GON4L: variants seen among roughly 807,000 people sequenced by gnomAD.
GON4L encodes the protein GON-4-like protein.
A neutral mutation model predicts 211.8 loss-of-function variants in GON4L; 87 were observed. The ratio of observed to expected loss-of-function variants is 0.41; its 90% confidence interval spans 0.35 to 0.49. The LOEUF (loss-of-function observed/expected upper bound fraction) is 0.49, where lower values mean the gene tolerates loss of function less well. GON4L is among the 20% of genes least tolerant of loss of function. The pLI is 0.15. For synonymous variants in GON4L, 875 were observed against 962.6 expected (o/e 0.91, Z 1.68); for missense variants, 2,155 against 2,659.5 (o/e 0.81, Z 4.17).
chr1:155,833,633 G>A (rs1391834276), intron 2 of GON4L, among the ~76,000 whole-genome samples: 4 of 101,908 alleles, frequency 3.9e-5, no homozygotes, highest in East Asian at 3.3e-4. Flanking sequence ...TCAACAAAGC[G>A]AGACTCTGTC....
At chr1:155,782,440 T>C (rs1664510835) in intron 14 of GON4L, among the ~76,000 whole-genome samples, 1 of 152,180 alleles carries the variant, frequency 6.6e-6, no homozygotes. Flanking sequence ...CTATACAGGT[T>C]TGTGGCCTGG....
downstream of GON4L, chr1:155,747,052 C>T (rs1660266759): frequency 5.0e-6 from 8 of 1,606,170 alleles, no homozygotes; most frequent in Non-Finnish European, 6.8e-6. Flanking sequence ...GTGTGGCCAG[C>T]CAACTCAAGG....
At position 155,795,039 on chromosome 1, in the gene GON4L, C is replaced by T; in HGVS notation, c.1747+11G>A. 1 of 1,459,478 alleles carries T rather than the reference C, an allele frequency of 6.9e-7. No homozygotes were observed. The highest frequency in any genetic ancestry group is 9.6e-7 in the Non-Finnish European group (1 of 1,038,546). The allele number at this position is 1,459,478 out of a possible 1,614,324, so 90.4% of individuals were successfully genotyped here. A position where few individuals can be genotyped will look rare whatever the true frequency, so the allele number is the denominator to read the frequency against. ...AGTCAAGAGCAGGACTTAGAATAAACACAGACTCACTGGTGATTCTCACTG... is the reference window on the plus strand; with the variant it reads ...AGTCAAGAGCAGGACTTAGAATAAATACAGACTCACTGGTGATTCTCACTG... On this transcript the variant is annotated intron_variant, in intron 12 of 31. Transcript: ENST00000368331.
At chr1:155,781,397 C>T (rs1302090007) in intron 14 of GON4L, among the ~76,000 whole-genome samples, 2 of 151,994 alleles carry the variant, frequency 1.3e-5, no homozygotes, top group African/African-American at 2.4e-5. Context: ...ATGCCTGCTT[C>T]GGCATCCCAA....
intron 29 of GON4L, 112 bp downstream of exon 29, chr1:155,753,092 G>GT (rs1660785307): frequency 2.6e-6 from 2 of 762,604 alleles, no homozygotes; most frequent in South Asian, 3.4e-5. Flanking sequence ...AGTGAAAGAG[G>GT]TGGTATATCC....
chr1:155,793,770 G>A (rs1665823294), intron 12 of GON4L, among the ~76,000 whole-genome samples: 1 of 152,012 alleles, frequency 6.6e-6, no homozygotes, highest in Non-Finnish European at 1.5e-5. Context: ...CAATACATTA[G>A]GCTAATTTCT....
chr1:155,821,844 GAGA>G (rs1668769008), intron 4 of GON4L, among the ~76,000 whole-genome samples: 1 of 152,220 alleles, frequency 6.6e-6, no homozygotes, highest in Admixed American at 6.5e-5. Context: ...ATATGCTTAA[GAGA>G]AAGAGTAACA....
intron 11 of GON4L, among the ~76,000 whole-genome samples, chr1:155,798,386 A>G (rs1411864593): frequency 3.4e-5 from 5 of 149,118 alleles, no homozygotes; most frequent in Admixed American, 2.7e-4. Flanking sequence ...TACTTTCTAT[A>G]TAAGTCTCTT....
At chr1:155,813,934 T>G (rs1309784192) in intron 9 of GON4L, 130 bp from the exon 10 acceptor site, 1 of 729,314 alleles carries the variant, frequency 1.4e-6, no homozygotes, top group East Asian at 2.7e-5. Flanking sequence ...CTTCTCTAGT[T>G]AGAGTTACAT....
At chr1:155,795,622 C>T (rs1323320785) in intron 11 of GON4L, among the ~76,000 whole-genome samples, 2 of 151,914 alleles carry the variant, frequency 1.3e-5, no homozygotes, top group African/African-American at 4.8e-5. Flanking sequence ...GCCATTGGAG[C>T]ATTTCAGATT....
intron 12 of GON4L, among the ~76,000 whole-genome samples, chr1:155,789,920 T>C (rs4266873): frequency 6.6e-6 from 1 of 152,252 alleles, no homozygotes; most frequent in East Asian, 1.9e-4. Flanking sequence ...TAAATGCTTG[T>C]TATACCTTAT....
upstream of GON4L, chr1:155,857,226 T>G (rs1049077226): frequency 6.6e-5 from 10 of 152,570 alleles, no homozygotes; most frequent in African/African-American, 2.2e-4. Flanking sequence ...GCGAATTGCG[T>G]GCGCGTCCCC....
chr1:155,822,578 G>A lies in GON4L; in HGVS notation c.698-102C>T, dbSNP rs1355054591. On this transcript the variant is annotated intron_variant, in intron 3 of 31. Transcript: ENST00000368331. ...AGTGGATAAATCTCAAAAGCATTAT[G>A]CTGTGAAAGAAACCAGATGTAAAAG... 1.4e-5 allele frequency: 12 copies of A among 839,600 alleles called. No individual in the cohort carries two copies. The Admixed American group carries it at 1.8e-4, about 13-fold the overall frequency. The allele number at this position is 839,600 out of a possible 1,614,324, so 52.0% of individuals were successfully genotyped here. A position where few individuals can be genotyped will look rare whatever the true frequency, so the allele number is the denominator to read the frequency against.
Position 155,814,852 on chromosome 1 carries a change from C to T in GON4L, c.1162-403G>A, listed in dbSNP as rs919252964. Among the ~76,000 whole-genome samples the T allele has an allele frequency of 9.9e-5, 15 of 152,212 alleles. No individual in the cohort carries two copies. The East Asian group carries it at 2.3e-3, about 23-fold the overall frequency. On this transcript the variant is annotated intron_variant, in intron 8 of 31. Transcript: ENST00000368331. The stretch of plus-strand genomic sequence containing the variant: ...GGCCAGGTGCAGTCAGTGTCTTATG[C>T]CTGTAATCCCAGCACTTTGGAAGGC...
intron 27 of GON4L, among the ~76,000 whole-genome samples, chr1:155,754,822 C>T (rs1405275477): frequency 6.6e-6 from 1 of 151,400 alleles, no homozygotes; most frequent in East Asian, 1.9e-4. Context: ...AGCCACTGTG[C>T]CTGGCCGTAT....
intron 12 of GON4L, among the ~76,000 whole-genome samples, chr1:155,787,046 T>A (rs1415726027): frequency 2.0e-5 from 3 of 151,872 alleles, no homozygotes; most frequent in Non-Finnish European, 2.9e-5. Context: ...CTCAGCCTCC[T>A]GAGTAGCTGG....
At chr1:155,802,511 T>C (rs960081663) in intron 11 of GON4L, among the ~76,000 whole-genome samples, 2 of 152,214 alleles carry the variant, frequency 1.3e-5, no homozygotes, top group Middle Eastern at 3.2e-3. Context: ...TTTTCAAAAA[T>C]CTTTCCAAGG....
chr1:155,836,305 A>C (rs1281438691), intron 2 of GON4L, among the ~76,000 whole-genome samples: 1 of 139,904 alleles, frequency 7.1e-6, no homozygotes, highest in South Asian at 2.4e-4. Flanking sequence ...GGTGGAGTGC[A>C]GTGGCACAAT....
chr1:155,846,592 T>C (rs905072790), intron 2 of GON4L: 1 of 150,210 alleles, frequency 6.7e-6, no homozygotes, highest in Non-Finnish European at 1.5e-5. Flanking sequence ...AAGAGAAAGA[T>C]AAAGGAAAAA....
Sources: allele counts gnomAD v4.1 joint callset (sites outside exome capture counted in the v4.1 genomes callset), GRCh38; gene constraint gnomAD v4.1.1; transcripts MANE v1.5; gene names NCBI Gene and HGNC (gene_info 2026-07-23, HGNC 2026-07-21).